The following AK4 variants were observed in gnomAD, a reference collection of about 807,000 sequenced individuals.
AK4 encodes adenylate kinase 4, also known as adenylate kinase 4, mitochondrial.
In AK4, 13 loss-of-function variants were observed where a neutral mutation model predicts 24.6. That is an observed-to-expected ratio of 0.53 (90% confidence interval 0.34 to 0.84). The LOEUF is 0.84. Ranked by LOEUF, AK4 falls within the 40% of genes least tolerant of loss-of-function variation. The pLI, the probability that AK4 is intolerant of heterozygous loss-of-function variation, is 0.01. For synonymous variants in AK4, 88 were observed against 107.0 expected (o/e 0.82, Z 1.10); for missense variants, 192 against 288.2 (o/e 0.67, Z 2.42).
intron 1 of AK4, among the ~76,000 whole-genome samples, chr1:65,152,767 C>G (rs1467550997): frequency 6.6e-6 from 1 of 152,064 alleles, no homozygotes; most frequent in African/African-American, 2.4e-5. Flanking sequence ...TCAAGTTAGT[C>G]TATGGGCCCA....
chr1:65,178,975 G>A (rs1197478796), intron 1 of AK4, among the ~76,000 whole-genome samples: 1 of 152,206 alleles, frequency 6.6e-6, no homozygotes, highest in East Asian at 1.9e-4. Context: ...TGTCAGCAAG[G>A]GAGCGACTTG....
chr1:65,185,177 CA>C (rs1269693166), intron 1 of AK4, among the ~76,000 whole-genome samples: 1 of 152,096 alleles, frequency 6.6e-6, no homozygotes, highest in East Asian at 1.9e-4. Flanking sequence ...TTGCTTCCAC[CA>C]TGCCACATCC....
chr1:65,204,131 G>A (rs1429913341), intron 2 of AK4, among the ~76,000 whole-genome samples: 9 of 151,948 alleles, frequency 5.9e-5, no homozygotes, highest in Non-Finnish European at 1.5e-5. Flanking sequence ...CTCTCTGTGC[G>A]CATATGTAGA....
rs1652586958 is a variant in AK4 at position 65,230,032 on chromosome 1, C to G, written c.*3855C>G. ...CATTGTCTATTCCATTACACATTAA[C>G]ATGACTCTGAATGCCAGATCCAAAC... On this transcript the variant is annotated 3_prime_UTR_variant, in exon 5 of 5. Transcript: ENST00000327299. 1 of 152,208 alleles carries G rather than the reference C, an allele frequency of 6.6e-6. No homozygotes were observed. The highest frequency in any genetic ancestry group is 1.5e-5 in the Non-Finnish European group (1 of 68,044). The allele number at this position is 152,208 out of a possible 1,614,324, so 9.4% of individuals were successfully genotyped here. A position where few individuals can be genotyped will look rare whatever the true frequency, so the allele number is the denominator to read the frequency against.
chr1:65,202,270 G>A (rs1451307069), intron 2 of AK4, among the ~76,000 whole-genome samples: 2 of 152,012 alleles, frequency 1.3e-5, no homozygotes, highest in Non-Finnish European at 2.9e-5. Context: ...GGTTGCAGGC[G>A]CCTGTAGTTC....
intron 3 of AK4, among the ~76,000 whole-genome samples, chr1:65,220,268 T>C (rs1652256715): frequency 6.6e-6 from 1 of 152,220 alleles, no homozygotes; most frequent in Non-Finnish European, 1.5e-5. Context: ...AATTGCTGGA[T>C]TGTAAGTGTA....
intron 2 of AK4, among the ~76,000 whole-genome samples, chr1:65,213,411 C>T (rs946525749): frequency 8.5e-5 from 13 of 152,102 alleles, no homozygotes; most frequent in Admixed American, 6.5e-5. Flanking sequence ...TGGGGTTGAG[C>T]TCCCTGTGAC....
At chr1:65,183,649 CCGTG>C (rs754666603) in intron 1 of AK4, among the ~76,000 whole-genome samples, 1,243 of 111,698 alleles carry the variant, frequency 0.011, 8 homozygotes, top group Middle Eastern at 0.033. Flanking sequence ...ATATAAATAT[CCGTG>C]TGTGTGTGTG....
At chr1:65,212,902 G>A (rs1652015003) in intron 2 of AK4, among the ~76,000 whole-genome samples, 1 of 152,194 alleles carries the variant, frequency 6.6e-6, no homozygotes, top group East Asian at 1.9e-4. Context: ...AAGAGTAAGA[G>A]GTAAGTAAAT....
chr1:65,209,043 CA>C (rs1316135925), intron 2 of AK4, among the ~76,000 whole-genome samples: 1 of 152,112 alleles, frequency 6.6e-6, no homozygotes, highest in African/African-American at 2.4e-5. Context: ...AGTGATATAA[CA>C]AGACAGATTC....
At chr1:65,198,254 T>G (rs1298678955) in intron 2 of AK4, among the ~76,000 whole-genome samples, 1 of 152,202 alleles carries the variant, frequency 6.6e-6, no homozygotes, top group East Asian at 1.9e-4. Flanking sequence ...TTGTAAAATT[T>G]GTGGAGCTCT....
At chr1:65,190,862 G>A in intron 2 of AK4, 33 bp downstream of exon 2, 2 of 1,610,444 alleles carry the variant, frequency 1.2e-6, no homozygotes, top group Non-Finnish European at 1.7e-6. Flanking sequence ...CCGAATTTCT[G>A]GGAATAGTCA....
chr1:65,211,332 G>A (rs1054762093), intron 2 of AK4, among the ~76,000 whole-genome samples: 4 of 152,226 alleles, frequency 2.6e-5, no homozygotes, highest in Admixed American at 6.5e-5. Context: ...TGGTCTGTGC[G>A]TGTAGCACTG....
chr1:65,170,479 G>C (rs916567820), intron 1 of AK4, among the ~76,000 whole-genome samples: 1 of 152,188 alleles, frequency 6.6e-6, no homozygotes, highest in Non-Finnish European at 1.5e-5. Flanking sequence ...AACACTGCTG[G>C]AGCTCAGATC....
intron 1 of AK4, among the ~76,000 whole-genome samples, chr1:65,161,414 C>A (rs1486837242): frequency 6.6e-6 from 1 of 152,096 alleles, no homozygotes; most frequent in Non-Finnish European, 1.5e-5. Context: ...CATGGCGGTG[C>A]GCATGCATGC....
chr1:65,156,501 CAT>C (rs1649988691), intron 1 of AK4, among the ~76,000 whole-genome samples: 1 of 152,148 alleles, frequency 6.6e-6, no homozygotes, highest in African/African-American at 2.4e-5. Flanking sequence ...ACAGATATAT[CAT>C]AGTTTATTTA....
intron 2 of AK4, among the ~76,000 whole-genome samples, chr1:65,194,618 T>G (rs10749751): frequency 6.6e-6 from 1 of 152,048 alleles, no homozygotes; most frequent in Non-Finnish European, 1.5e-5. Flanking sequence ...TGTGCCACCA[T>G]GCCCAGCTAA....
rs572183008 is a variant in AK4 at position 65,182,689 on chromosome 1, G to T, written c.146-8021G>T. Among the ~76,000 whole-genome samples, 3 of 152,112 alleles carry T rather than the reference G, an allele frequency of 2.0e-5. No homozygotes were observed. The East Asian group carries it at 5.8e-4, about 29-fold the overall frequency. ...CACTTTTATTAAAACAAATCTTTTT[G>T]TCTCCAGCGTCAAGAAACTAAGGTA... On this transcript the variant is annotated intron_variant, in intron 1 of 4. Coordinates refer to ENST00000327299, the MANE Select transcript of AK4 (RefSeq NM_013410.4).
intron 2 of AK4, among the ~76,000 whole-genome samples, chr1:65,211,404 T>A (rs1384864001): frequency 6.6e-6 from 1 of 152,254 alleles, no homozygotes; most frequent in Non-Finnish European, 1.5e-5. Flanking sequence ...GTAAGCTGCC[T>A]GTCAGAGACA....
Sources: gnomAD v4.1 joint callset for allele counts (sites outside exome capture counted in the v4.1 genomes callset) on GRCh38, gnomAD v4.1.1 for gene constraint, MANE v1.5 for transcripts, NCBI Gene and HGNC (gene_info 2026-07-23, HGNC 2026-07-21) for gene names.